Variants in MMS22L observed in about 807,000 individuals in gnomAD.
MMS22L encodes protein MMS22-like.
MMS22L carries 74 observed loss-of-function variants against 159.1 expected under a neutral mutation model. The ratio of observed to expected loss-of-function variants is 0.47; its 90% CI spans 0.39 to 0.56. The LOEUF (loss-of-function observed/expected upper bound fraction) is 0.56. Ranked by LOEUF, MMS22L falls within the 20% of genes least tolerant of loss-of-function variation. The probability of loss-of-function intolerance (pLI) is 0.00; values close to 1 mark genes in which losing one functional copy is unlikely to be tolerated. For synonymous variants in MMS22L, 517 were observed against 506.9 expected (o/e 1.02, Z -0.27); for missense variants, 1,351 against 1,422.1 (o/e 0.95, Z 0.80).
At chr6:97,242,364 T>C (rs1812175139) in intron 11 of MMS22L, among the ~76,000 whole-genome samples, 1 of 152,236 alleles carries the variant, frequency 6.6e-6, no homozygotes, top group African/African-American at 2.4e-5. Flanking sequence ...CTCTGTCTTT[T>C]CAAACTGTTG....
chr6:97,200,459 G>A (rs952660808), intron 14 of MMS22L, among the ~76,000 whole-genome samples: 25 of 152,102 alleles, frequency 1.6e-4, no homozygotes, highest in Non-Finnish European at 1.8e-4. Flanking sequence ...GTTTATTATA[G>A]CACTAATTTC....
At chr6:97,149,826 C>T (rs758974763) in intron 24 of MMS22L, 27 bp downstream of exon 24, 4 of 1,550,748 alleles carry the variant, frequency 2.6e-6, no homozygotes, top group Non-Finnish European at 3.5e-6. Flanking sequence ...ACTGCCCCCC[C>T]CAATGTAATT....
At position 97,143,994 on chromosome 6, in the gene MMS22L, A is replaced by T. The variant is rs1269961085; in HGVS notation, c.*2812T>A. The T allele has an allele frequency of 6.6e-6, 1 of 151,126 alleles. No individual in the cohort carries two copies. Among genetic ancestry groups the T allele is most frequent in the African/African-American group, 2.4e-5 (1 of 40,988 alleles). The allele number at this position is 151,126 out of a possible 1,614,324, so 9.4% of individuals were successfully genotyped here. ...GCTACTTGGGAGGCTGAGGCAGGAG[A>T]ATGGCGTGAACCCGGGAGGCAGAGC... On this transcript the variant is annotated 3_prime_UTR_variant, in exon 25 of 25. Transcript: ENST00000683635.
In MMS22L at chr6:97,281,263, T is replaced by A; in HGVS notation, c.264A>T (p.Ser88=). 1 of 1,610,090 alleles carries A rather than the reference T, an allele frequency of 6.2e-7. No homozygotes were observed. The highest frequency in any genetic ancestry group is 8.5e-7 in the Non-Finnish European group (1 of 1,179,072). Residue 88 remains serine, a synonymous_variant, in exon 3 of 25, where the codon TCA becomes TCT. Coordinates refer to ENST00000683635, the MANE Select transcript of MMS22L (RefSeq NM_001350599.2). ...QWVTETALVN[S]SRELFHLFRQ... ...TGAATAAATGAAAGAGTTCTCTAGA[T>A]GAATTCACTAATGCTGTTTCAGTAA...
At chr6:97,199,135 G>T (rs986146381) in intron 14 of MMS22L, among the ~76,000 whole-genome samples, 8 of 152,196 alleles carry the variant, frequency 5.3e-5, no homozygotes, top group Admixed American at 5.2e-4. Context: ...TTTACATGTG[G>T]TTAGTGGCTA....
At chr6:97,267,527 T>C (rs919211281) in intron 8 of MMS22L, 1 of 155,966 alleles carries the variant, frequency 6.4e-6, no homozygotes, top group African/African-American at 2.4e-5. Flanking sequence ...AGTAATACAA[T>C]ACATTATTAA....
At chr6:97,240,363 GT>G (rs1250657255) in intron 11 of MMS22L, among the ~76,000 whole-genome samples, 2 of 152,150 alleles carry the variant, frequency 1.3e-5, no homozygotes, top group African/African-American at 4.8e-5. Flanking sequence ...CATAGAGCAT[GT>G]TTCTTAGATT....
At chr6:97,153,364 CTTTTT>C (rs59258093) in intron 22 of MMS22L, among the ~76,000 whole-genome samples, 1 of 78,108 alleles carries the variant, frequency 1.3e-5, no homozygotes, top group East Asian at 3.4e-4. Context: ...CTCTACAGAT[CTTTTT>C]TTTTTTTTTT....
chr6:97,213,084 C>T (rs1410244004), intron 14 of MMS22L, among the ~76,000 whole-genome samples: 1 of 152,018 alleles, frequency 6.6e-6, no homozygotes, highest in East Asian at 1.9e-4. Context: ...GACAGAGTAA[C>T]ATGTCTTTGA....
At chr6:97,186,969 C>T (rs1323243188) in intron 14 of MMS22L, among the ~76,000 whole-genome samples, 2 of 152,104 alleles carry the variant, frequency 1.3e-5, no homozygotes, top group Non-Finnish European at 2.9e-5. Context: ...GAATGAAGGT[C>T]TGCATTTTGC....
At chr6:97,156,861 A>C (rs1263715615) in intron 22 of MMS22L, among the ~76,000 whole-genome samples, 2 of 152,144 alleles carry the variant, frequency 1.3e-5, no homozygotes, top group Non-Finnish European at 2.9e-5. Context: ...CTGTGAAGAA[A>C]GTCAGTGGTA....
At chr6:97,276,748 T>G (rs1816276370) in intron 4 of MMS22L, among the ~76,000 whole-genome samples, 1 of 152,230 alleles carries the variant, frequency 6.6e-6, no homozygotes, top group African/African-American at 2.4e-5. Context: ...TTTCTTCCCA[T>G]CTGTGAAGAC....
chr6:97,179,159 C>T (rs1464328457), intron 17 of MMS22L, among the ~76,000 whole-genome samples: 1 of 152,014 alleles, frequency 6.6e-6, no homozygotes, highest in Non-Finnish European at 1.5e-5. Flanking sequence ...CTGTCCTTGG[C>T]TTCCAAGGAA....
intron 10 of MMS22L, among the ~76,000 whole-genome samples, chr6:97,248,540 A>G (rs1421200021): frequency 1.3e-5 from 2 of 152,154 alleles, no homozygotes; most frequent in African/African-American, 2.4e-5. Context: ...ATTGGGAGAA[A>G]ATGTGGAGTA....
rs541942412 is a variant in MMS22L at position 97,242,374 on chromosome 6, G to T, written c.1182+4254C>A. On this transcript the variant is annotated intron_variant, in intron 11 of 24. Coordinates refer to ENST00000683635, the MANE Select transcript of MMS22L (RefSeq NM_001350599.2). ...TGTCCCTCTGTCTTTTCAAACTGTT[G>T]TTGTTTTAAAATCTGTTTTGTCTGA... 6.6e-5 allele frequency among the ~76,000 whole-genome samples: 10 copies of T among 152,194 alleles called. 1 individual carries two copies. In the South Asian group the frequency reaches 2.1e-3, roughly 32 times the overall value.
rs554611842 is a variant in MMS22L, at chr6:97,234,103, T to C, written c.1183-123A>G. ...AAAATAAATATGTGTCACCCAATCA[T>C]ACCCATTCTCATATGCAGACTAGGT... On this transcript the variant is annotated intron_variant, in intron 11 of 24. Coordinates refer to ENST00000683635, the MANE Select transcript of MMS22L (RefSeq NM_001350599.2). 36 of 1,064,738 alleles carry C rather than the reference T, an allele frequency of 3.4e-5. No homozygotes were observed. The African/African-American group carries it at 4.5e-4, about 13-fold the overall frequency. The allele number at this position is 1,064,738 out of a possible 1,614,324, so 66.0% of individuals were successfully genotyped here.
In MMS22L at chr6:97,162,155, G is replaced by A. The variant is rs1403739773; in HGVS notation, c.3232C>T (p.Leu1078Phe). ...GGAGGTGAGGACCCCTTATACTCAA[G>A]GTAGGATTTCCTGAAAAGAAGCAAA... ...CIVQVIRKSY[L>F]EYKGSSPPPR... The change falls in exon 22 of 25, where the codon CTT becomes TTT. Residue 1078 changes from leucine (L) to phenylalanine (F), a missense_variant. Coordinates refer to ENST00000683635, the MANE Select transcript of MMS22L (RefSeq NM_001350599.2). The A allele has an allele frequency of 6.3e-7, 1 of 1,590,578 alleles. No homozygotes were observed. Among genetic ancestry groups the A allele is most frequent in the Non-Finnish European group, 8.5e-7 (1 of 1,173,300 alleles).
intron 22 of MMS22L, among the ~76,000 whole-genome samples, chr6:97,161,322 C>T (rs765810287): frequency 8.6e-5 from 13 of 152,014 alleles, no homozygotes; most frequent in African/African-American, 1.7e-4. Context: ...AGCTGTTAAG[C>T]TCCACTAATT....
At chr6:97,200,323 G>A (rs1213297498) in intron 14 of MMS22L, among the ~76,000 whole-genome samples, 1 of 152,034 alleles carries the variant, frequency 6.6e-6, no homozygotes, top group Non-Finnish European at 1.5e-5. Context: ...CACTTTTACT[G>A]TAGTTCTTTA....
Sources: allele counts gnomAD v4.1 joint callset (sites outside exome capture counted in the v4.1 genomes callset), GRCh38; gene constraint gnomAD v4.1.1; transcripts MANE v1.5; gene names NCBI Gene and HGNC (gene_info 2026-07-23, HGNC 2026-07-21).